The following KCNQ1 variants were observed in gnomAD, a reference collection of about 807,000 sequenced individuals.
The protein encoded by KCNQ1 is potassium voltage-gated channel subfamily Q member 1.
Under a neutral mutation model 72.4 loss-of-function variants are expected in KCNQ1, and 49 were observed. The ratio of observed to expected loss-of-function variants is 0.68; its 90% CI spans 0.54 to 0.86. The LOEUF is 0.86. Among genes scored for constraint, KCNQ1 ranks in the 40% least tolerant of loss-of-function variants. The pLI is 0.00. For synonymous variants in KCNQ1, 450 were observed against 412.6 expected (o/e 1.09, Z -1.10); for missense variants, 790 against 945.1 (o/e 0.84, Z 2.15).
Position 2,624,088 on chromosome 11 carries a change from A to C in KCNQ1, c.1393+35234A>C. On this transcript the variant is annotated intron_variant, in intron 10 of 15. Coordinates refer to ENST00000155840, the MANE Select transcript of KCNQ1 (RefSeq NM_000218.3). This position sits in a 1 kb window ranked among gnomAD's most constrained non-coding sequence, Gnocchi z 4.9. ...ATATTGGCAAGTATTTGGTATTGTC[A>C]GTGTTTTGAATTTTGGCCATTCTAA... 1 of 398,578 alleles carries C rather than the reference A, an allele frequency of 2.5e-6. No individual in the cohort carries two copies. Among genetic ancestry groups the C allele is most frequent in the Non-Finnish European group, 4.4e-6 (1 of 226,084 alleles). The allele number at this position is 398,578 out of a possible 1,614,324, so 24.7% of individuals were successfully genotyped here. A position where few individuals can be genotyped will look rare whatever the true frequency, so the allele number is the denominator to read the frequency against.
intron 6 of KCNQ1, among the ~76,000 whole-genome samples, chr11:2,578,838 G>A (rs1037378463): frequency 3.9e-5 from 6 of 152,242 alleles, no homozygotes; most frequent in Non-Finnish European, 8.8e-5. Flanking sequence ...CCTTCGGGGT[G>A]GCCACAGCGG....
chr11:2,651,453 G>T lies in KCNQ1; in HGVS notation c.1394-10508G>T. The T allele has an allele frequency of 2.5e-6, 1 of 398,776 alleles. No individual in the cohort carries two copies. The highest frequency in any genetic ancestry group is 4.4e-6 in the Non-Finnish European group (1 of 226,154). The allele number at this position is 398,776 out of a possible 1,614,324, so 24.7% of individuals were successfully genotyped here. A position where few individuals can be genotyped will look rare whatever the true frequency, so the allele number is the denominator to read the frequency against. On this transcript the variant is annotated intron_variant, in intron 10 of 15. Coordinates refer to ENST00000155840, the MANE Select transcript of KCNQ1 (RefSeq NM_000218.3). The surrounding 1 kb of genome is among the most constrained non-coding windows in gnomAD (Gnocchi z 6.1). ...GCTCAGCAAGTGCCTGAAGTCAGAGGTAGTGCTTATGAAAGTATCTGGTGG... is the reference window on the plus strand; with the variant it reads ...GCTCAGCAAGTGCCTGAAGTCAGAGTTAGTGCTTATGAAAGTATCTGGTGG...
chr11:2,847,705 G>C (rs961336599), intron 15 of KCNQ1, 62 bp from the exon 16 acceptor site: 4 of 1,478,344 alleles, frequency 2.7e-6, no homozygotes, highest in Non-Finnish European at 3.7e-6. Flanking sequence ...TGGGCCCTGA[G>C]GCTGTCTGCA....
rs770137262 is a variant in KCNQ1, at chr11:2,657,582, T to C, written c.1394-4379T>C. 1 of 398,514 alleles carries C rather than the reference T, an allele frequency of 2.5e-6. No individual in the cohort carries two copies. Among genetic ancestry groups the C allele is most frequent in the African/African-American group, 2.1e-5 (1 of 48,646 alleles). 24.7% of individuals were successfully genotyped at this position (398,514 alleles called of 1,614,324 possible). ...CTAATGTTAGCATCTTATATAACCA[T>C]GGTACATTGACCAAAACTAAAAAAT... is the stretch of plus-strand genomic sequence containing the variant. On this transcript the variant is annotated intron_variant, in intron 10 of 15. Coordinates refer to ENST00000155840, the MANE Select transcript of KCNQ1 (RefSeq NM_000218.3). This position sits in a 1 kb window ranked among gnomAD's most constrained non-coding sequence, Gnocchi z 4.8.
At chr11:2,831,384 G>A (rs1363522781) in intron 15 of KCNQ1, among the ~76,000 whole-genome samples, 1 of 152,148 alleles carries the variant, frequency 6.6e-6, no homozygotes, top group Non-Finnish European at 1.5e-5. Context: ...GAGAAGGGGT[G>A]AATGCCTTGT....
chr11:2,693,152 A>G (rs946094708), intron 11 of KCNQ1: 21 of 398,666 alleles, frequency 5.3e-5, no homozygotes, highest in Admixed American at 2.6e-4. Context: ...CCCTCAGTCT[A>G]CACTCTGTGA....
In KCNQ1 at chr11:2,661,079, C is replaced by T. The variant is rs950184880; in HGVS notation, c.1394-882C>T. ...ACAGGAACAGAGTCACAGTGACATC[C>T]CATGTGCATAAAAGCAACTCCCACC... On this transcript the variant is annotated intron_variant, in intron 10 of 15. Transcript: ENST00000155840. The surrounding 1 kb of genome is among the most constrained non-coding windows in gnomAD (Gnocchi z 5.9). 2.5e-6 allele frequency: 1 copy of T among 398,196 alleles called. No individual in the cohort carries two copies. Among genetic ancestry groups the T allele is most frequent in the Non-Finnish European group, 4.4e-6 (1 of 226,032 alleles). 24.7% of individuals were successfully genotyped at this position (398,196 alleles called of 1,614,324 possible).
intron 11 of KCNQ1, among the ~76,000 whole-genome samples, chr11:2,731,628 C>T (rs563267347): frequency 6.6e-6 from 1 of 152,370 alleles, no homozygotes; most frequent in South Asian, 2.1e-4. Context: ...TTGGGGGACC[C>T]TGTGGTCATG....
chr11:2,467,335 C>T (rs186173102), intron 1 of KCNQ1, among the ~76,000 whole-genome samples: 1 of 152,240 alleles, frequency 6.6e-6, no homozygotes, highest in East Asian at 1.9e-4. Flanking sequence ...CTGGCTTCAA[C>T]GGTGTCGGCC....
Position 2,471,625 on chromosome 11 carries a change from C to T in KCNQ1, c.386+26141C>T, listed in dbSNP as rs1041793614. Among the ~76,000 whole-genome samples, 20 of 146,908 alleles carry T rather than the reference C, an allele frequency of 1.4e-4. No homozygotes were observed. The highest frequency in any genetic ancestry group is 3.3e-4 in the African/African-American group (13 of 39,618). On this transcript the variant is annotated intron_variant, in intron 1 of 15. Coordinates refer to ENST00000155840, the MANE Select transcript of KCNQ1 (RefSeq NM_000218.3). This position sits in a 1 kb window ranked among gnomAD's most constrained non-coding sequence, Gnocchi z 4.8. ...GCACCTGTGTATATGGGTGTGTGCA[C>T]GTATGCACGGATGTGTGTACACATG...
At chr11:2,788,840 C>T (rs1193727697) in intron 15 of KCNQ1, among the ~76,000 whole-genome samples, 2 of 152,134 alleles carry the variant, frequency 1.3e-5, no homozygotes, top group Non-Finnish European at 2.9e-5. Flanking sequence ...ATGAAAGCAG[C>T]GTTTGACGCT....
At chr11:2,814,311 A>G (rs1847567600) in intron 15 of KCNQ1, among the ~76,000 whole-genome samples, 1 of 149,730 alleles carries the variant, frequency 6.7e-6, no homozygotes, top group African/African-American at 2.5e-5. Flanking sequence ...GGATAGATGG[A>G]TGGATGGATC....
chr11:2,508,847 C>A lies in KCNQ1; in HGVS notation c.387-19081C>A, dbSNP rs1847147804. On this transcript the variant is annotated intron_variant, in intron 1 of 15. Transcript: ENST00000155840. The surrounding 1 kb of genome is among the most constrained non-coding windows in gnomAD (Gnocchi z 6.2). ...GGCTAAGGAAAGTCACAGTTGAATG[C>A]ATGCTCCCTCCACACCCATGTGCCT... Among the ~76,000 whole-genome samples, 1 of 152,250 alleles carries A rather than the reference C, an allele frequency of 6.6e-6. No individual in the cohort carries two copies. Among genetic ancestry groups the A allele is most frequent in the African/African-American group, 2.4e-5 (1 of 41,464 alleles).
At chr11:2,518,366 C>G (rs976319353) in intron 1 of KCNQ1, among the ~76,000 whole-genome samples, 2 of 152,204 alleles carry the variant, frequency 1.3e-5, no homozygotes, top group Non-Finnish European at 2.9e-5. Flanking sequence ...TAGACGCTGC[C>G]TTGGGACAGG....
intron 2 of KCNQ1, among the ~76,000 whole-genome samples, chr11:2,558,832 C>T (rs1045333480): frequency 9.2e-5 from 14 of 152,190 alleles, no homozygotes; most frequent in African/African-American, 3.1e-4. Flanking sequence ...GCCCGGAAGC[C>T]GGCAGTCCTG....
chr11:2,512,177 C>T (rs561905206), intron 1 of KCNQ1, among the ~76,000 whole-genome samples: 32 of 152,282 alleles, frequency 2.1e-4, no homozygotes, highest in South Asian at 4.1e-4. Flanking sequence ...GCCATAAGCT[C>T]GCTGAGCACT....
In KCNQ1 at chr11:2,751,879, C is replaced by T. The variant is rs572996150; in HGVS notation, c.1515-16965C>T. On this transcript the variant is annotated intron_variant, in intron 11 of 15. Coordinates refer to ENST00000155840, the MANE Select transcript of KCNQ1 (RefSeq NM_000218.3). The stretch of plus-strand genomic sequence containing the variant: ...AGAACATGAGGCCCGGCCAGCTTTG[C>T]CCTATTCCCCCCATAGCATGGCTGA... Among the ~76,000 whole-genome samples, 428 of 152,324 alleles carry T rather than the reference C, an allele frequency of 2.8e-3. 1 individual carries two copies. Among genetic ancestry groups the T allele is most frequent in the Non-Finnish European group, 4.5e-3 (304 of 68,042 alleles).
At chr11:2,718,874 G>A (rs1025214301) in intron 11 of KCNQ1, among the ~76,000 whole-genome samples, 8 of 152,354 alleles carry the variant, frequency 5.3e-5, no homozygotes, top group African/African-American at 1.7e-4. Context: ...GCCTGTAAGG[G>A]CCTTCATGTC....
chr11:2,778,131 C>A, intron 15 of KCNQ1, 94 bp downstream of exon 15: 2 of 1,222,494 alleles, frequency 1.6e-6, no homozygotes, highest in Non-Finnish European at 2.4e-6. Context: ...GAAGCTCCTG[C>A]AGGCCTCCCC....
Sources: gnomAD v4.1 joint callset for allele counts (sites outside exome capture counted in the v4.1 genomes callset) on GRCh38, gnomAD v4.1.1 for gene constraint, Gnocchi (gnomAD v3.1) non-coding constraint, MANE v1.5 for transcripts, NCBI Gene and HGNC (gene_info 2026-07-23, HGNC 2026-07-21) for gene names.